The following KIAA0930 variants were observed in gnomAD, a reference collection of about 807,000 sequenced individuals.
The protein encoded by KIAA0930 is KIAA0930.
A neutral mutation model predicts 43.9 loss-of-function variants in KIAA0930; 24 were observed. The observed-to-expected ratio is 0.55, with a 90% confidence interval of 0.40 to 0.77. KIAA0930 has a LOEUF of 0.77. Among genes scored for constraint, KIAA0930 ranks in the 30% least tolerant of loss-of-function variants. KIAA0930 has a pLI of 0.00. For synonymous variants in KIAA0930, 259 were observed against 216.4 expected (o/e 1.20, Z -1.73); for missense variants, 461 against 574.2 (o/e 0.80, Z 2.02).
rs1383947646 is a variant in KIAA0930, at chr22:45,205,281, C to T, written c.452G>A (p.Ser151Asn). 5.0e-6 allele frequency: 8 copies of T among 1,614,142 alleles called. No homozygotes were observed. The highest frequency in any genetic ancestry group is 4.2e-6 in the Non-Finnish European group (5 of 1,179,980). Residue 151 changes from serine to asparagine, a missense_variant, in exon 5 of 10, where the codon AGC becomes AAC. Ser to Asn is a conservative substitution (Grantham distance 46, BLOSUM62 1). Coordinates refer to ENST00000336156, the MANE Select transcript of KIAA0930 (RefSeq NM_001009880.2). ...GCTGATCTTGGACTCCTCCCCCTTG[C>T]TGTCCATGGGGTGTTTACTGGGGGA... ...FASPSKHPMD[S>N]KGEESKISYP...
intron 1 of KIAA0930, among the ~76,000 whole-genome samples, chr22:45,213,124 C>T (rs527554156): frequency 7.9e-5 from 12 of 152,260 alleles, no homozygotes; most frequent in East Asian, 5.8e-4. Context: ...CCCTCTCTCG[C>T]GCTCACAGGC....
At chr22:45,208,112 G>A (rs948652785) in intron 2 of KIAA0930, among the ~76,000 whole-genome samples, 2 of 152,138 alleles carry the variant, frequency 1.3e-5, no homozygotes, top group African/African-American at 4.8e-5. Context: ...GGCCCAAGAG[G>A]ACACTGGGAG....
intron 1 of KIAA0930, chr22:45,235,189 G>T (rs1283162819): frequency 6.6e-6 from 1 of 152,334 alleles, no homozygotes; most frequent in Admixed American, 6.5e-5. Context: ...CAGAAGGCTG[G>T]AAGCTGGAGG....
rs185735861 is a variant in KIAA0930, at chr22:45,228,982, C to T, written c.64+11658G>A. ...TCCACCCCCGCCATCACCACTCACC[C>T]AAAAGATCCCTCTCCACCCCCACAC... is the stretch of plus-strand genomic sequence containing the variant. On this transcript the variant is annotated intron_variant, in intron 1 of 9. Coordinates refer to ENST00000336156, the MANE Select transcript of KIAA0930 (RefSeq NM_001009880.2). Among the ~76,000 whole-genome samples, 2 of 25,280 alleles carry T rather than the reference C, an allele frequency of 7.9e-5. 1 individual carries two copies. Among genetic ancestry groups the T allele is most frequent in the Admixed American group, 8.1e-4 (2 of 2,468 alleles). 16.6% of individuals were successfully genotyped at this position (25,280 alleles called of 152,430 possible). A position where few individuals can be genotyped will look rare whatever the true frequency, so the allele number is the denominator to read the frequency against.
intron 8 of KIAA0930, among the ~76,000 whole-genome samples, 194 bp downstream of exon 8, chr22:45,199,679 C>T (rs2083569171): frequency 6.6e-6 from 1 of 152,190 alleles, no homozygotes; most frequent in Non-Finnish European, 1.5e-5. Context: ...AGGACGGGAC[C>T]CCCAGAGGCA....
intron 1 of KIAA0930, among the ~76,000 whole-genome samples, chr22:45,217,994 C>A (rs2083743984): frequency 1.3e-5 from 2 of 152,108 alleles, no homozygotes; most frequent in South Asian, 4.1e-4. Context: ...CCGTCCACAC[C>A]CCAGTGCGGT....
chr22:45,211,377 A>AAC (rs2083691685), intron 2 of KIAA0930: 8 of 398,662 alleles, frequency 2.0e-5, no homozygotes, highest in Non-Finnish European at 3.5e-5. Flanking sequence ...ACTGCGATTT[A>AAC]GTGGATGAAA....
intron 1 of KIAA0930, chr22:45,226,163 G>A (rs187949259): frequency 1.4e-5 from 6 of 441,796 alleles, no homozygotes; most frequent in East Asian, 1.4e-4. Context: ...CTCAGCTGCT[G>A]GCAGGCAGAA....
Position 45,240,656 on chromosome 22 carries a change from G to C in KIAA0930, c.48C>G (p.Arg16=). Residue 16 remains arginine, a synonymous_variant, in exon 1 of 10, where the codon CGC becomes CGG. Transcript: ENST00000336156. ...CCCACTCACCGAGGCCGCAGACCTC[G>C]CGGCGCAGGCTAAGACGGCCGCGCT... ...AEERGRLSLR[R]EVCGLGCFKD... The C allele has an allele frequency of 1.3e-6, 2 of 1,527,020 alleles. No homozygotes were observed. The highest frequency in any genetic ancestry group is 2.4e-5 in the South Asian group (2 of 83,632). 94.6% of individuals were successfully genotyped at this position (1,527,020 alleles called of 1,614,324 possible).
intron 8 of KIAA0930, among the ~76,000 whole-genome samples, chr22:45,198,800 C>T (rs539011880): frequency 1.3e-5 from 2 of 152,188 alleles, no homozygotes; most frequent in Admixed American, 6.5e-5. Context: ...CAGGCGCCCA[C>T]CACCATGCCC....
intron 1 of KIAA0930, among the ~76,000 whole-genome samples, chr22:45,240,053 G>A (rs1397015579): frequency 6.6e-6 from 1 of 152,164 alleles, no homozygotes; most frequent in Non-Finnish European, 1.5e-5. Context: ...AGAGGCAGCA[G>A]GCCCTGCCCC....
At chr22:45,237,981 C>T (rs1463489112) in intron 1 of KIAA0930, among the ~76,000 whole-genome samples, 5 of 151,148 alleles carry the variant, frequency 3.3e-5, no homozygotes, top group African/African-American at 1.2e-4. Context: ...AGTGCAGTGG[C>T]GTGATCTCGG....
chr22:45,213,271 A>AGCCCTCT (rs766326867), intron 1 of KIAA0930: 135 of 1,278,440 alleles, frequency 1.1e-4, no homozygotes, highest in East Asian at 7.0e-4. Context: ...CTCAGCCCTC[A>AGCCCTCT]GCCCTCTGCC....
In KIAA0930 at chr22:45,193,456, A is replaced by C. The variant is rs761116745; in HGVS notation, c.*3720T>G. ...AAAAAAAGTTTTACTTTGTTCTTCA[A>C]AAGTCTTCTACTAACTAGTCTATTT... On this transcript the variant is annotated 3_prime_UTR_variant, in exon 10 of 10. Transcript: ENST00000336156. 3 of 152,218 alleles carry C rather than the reference A, an allele frequency of 2.0e-5. No homozygotes were observed. Among genetic ancestry groups the C allele is most frequent in the Non-Finnish European group, 2.9e-5 (2 of 68,052 alleles). 9.4% of individuals were successfully genotyped at this position (152,218 alleles called of 1,614,324 possible).
chr22:45,230,577 ATTCT>A (rs1222979399), intron 1 of KIAA0930, among the ~76,000 whole-genome samples: 33 of 137,980 alleles, frequency 2.4e-4, no homozygotes, highest in Non-Finnish European at 4.7e-4. Context: ...CCCAGATCAC[ATTCT>A]TTTTTTTTTT....
At chr22:45,226,277 A>T (rs1260250610) in intron 1 of KIAA0930, 2 of 470,980 alleles carry the variant, frequency 4.2e-6, no homozygotes, top group Non-Finnish European at 8.8e-6. Flanking sequence ...GCCATTTTAC[A>T]GTTAAGGAAA....
At chr22:45,206,324 C>A (rs1039470618) in intron 2 of KIAA0930, among the ~76,000 whole-genome samples, 1 of 152,102 alleles carries the variant, frequency 6.6e-6, no homozygotes, top group African/African-American at 2.4e-5. Flanking sequence ...GCCAGAACTC[C>A]AATTCTTGCT....
chr22:45,200,164 G>A, intron 7 of KIAA0930, 129 bp from the exon 8 acceptor site: 1 of 936,548 alleles, frequency 1.1e-6, no homozygotes, highest in Non-Finnish European at 1.5e-6. Context: ...GGCCCAGGAG[G>A]ACCCAGGCCC....
intron 1 of KIAA0930, chr22:45,212,448 T>C: frequency 6.8e-7 from 1 of 1,470,972 alleles, no homozygotes; most frequent in Non-Finnish European, 9.0e-7. Flanking sequence ...GGCTGGCTGG[T>C]GTCTGGGCTG....
Sources: allele counts gnomAD v4.1 joint callset (sites outside exome capture counted in the v4.1 genomes callset), GRCh38; gene constraint gnomAD v4.1.1; transcripts MANE v1.5; gene names NCBI Gene and HGNC (gene_info 2026-07-23, HGNC 2026-07-21).